Variants in BAIAP2L1 observed in about 807,000 individuals in gnomAD.
The protein encoded by BAIAP2L1 is BAR/IMD domain containing adaptor protein 2 like 1, also known as BAR/IMD domain-containing adapter protein 2-like 1.
A neutral mutation model predicts 66.3 loss-of-function variants in BAIAP2L1; 35 were observed. The observed-to-expected ratio is 0.53, with a 90% CI of 0.40 to 0.70. BAIAP2L1 has a LOEUF of 0.70. BAIAP2L1 is among the 30% of genes least tolerant of loss of function. The probability of loss-of-function intolerance (pLI) is 0.00; values close to 1 mark genes in which losing one functional copy is unlikely to be tolerated. For synonymous variants in BAIAP2L1, 269 were observed against 248.7 expected, an observed-to-expected ratio of 1.08 and a Z score of -0.77; for missense variants, 622 against 656.9, an observed-to-expected ratio of 0.95 and a Z score of 0.58.
intron 12 of BAIAP2L1, among the ~76,000 whole-genome samples, chr7:98,297,422 T>C (rs1800238804): frequency 6.6e-6 from 1 of 152,164 alleles, no homozygotes; most frequent in Non-Finnish European, 1.5e-5. Flanking sequence ...CAGAGAATGC[T>C]GGTGGCCCTC....
intron 1 of BAIAP2L1, among the ~76,000 whole-genome samples, chr7:98,375,219 C>T (rs926906969): frequency 6.6e-6 from 1 of 150,710 alleles, no homozygotes; most frequent in African/African-American, 2.4e-5. Flanking sequence ...ATAGTGAAAC[C>T]CCATCTCTAC....
chr7:98,342,851 C>G (rs1025837091), intron 3 of BAIAP2L1, among the ~76,000 whole-genome samples: 10 of 152,000 alleles, frequency 6.6e-5, no homozygotes, highest in Admixed American at 5.9e-4. Context: ...TAAAAATAAA[C>G]CTTGCTTGAT....
chr7:98,358,851 C>T (rs1427128486), intron 2 of BAIAP2L1, among the ~76,000 whole-genome samples: 2 of 152,146 alleles, frequency 1.3e-5, no homozygotes, highest in Admixed American at 6.5e-5. Context: ...TAATGGCCTT[C>T]CAGGAATCAC....
At chr7:98,347,949 G>T (rs1371324730) in intron 3 of BAIAP2L1, among the ~76,000 whole-genome samples, 1 of 151,972 alleles carries the variant, frequency 6.6e-6, no homozygotes, top group Non-Finnish European at 1.5e-5. Context: ...TGAGAACATG[G>T]ACATAGGGAG....
At chr7:98,293,740 G>T in intron 13 of BAIAP2L1, 144 bp from the exon 14 acceptor site, 1 of 768,594 alleles carries the variant, frequency 1.3e-6, no homozygotes, top group Non-Finnish European at 2.2e-6. Context: ...AGCGTTTTCT[G>T]AGTGTGAAAG....
intron 3 of BAIAP2L1, among the ~76,000 whole-genome samples, chr7:98,320,552 T>A (rs573627622): frequency 8.1e-4 from 123 of 152,302 alleles, no homozygotes; most frequent in African/African-American, 2.6e-3. Context: ...GCCAGGCTGG[T>A]CTTGAACTCC....
At chr7:98,330,613 C>T (rs896505179) in intron 3 of BAIAP2L1, among the ~76,000 whole-genome samples, 2 of 152,186 alleles carry the variant, frequency 1.3e-5, no homozygotes, top group Admixed American at 6.5e-5. Context: ...GCCGAGATCA[C>T]ACCATTGCAT....
At chr7:98,316,520 A>AT (rs1183034455) in intron 6 of BAIAP2L1, among the ~76,000 whole-genome samples, 3 of 152,184 alleles carry the variant, frequency 2.0e-5, no homozygotes, top group East Asian at 3.8e-4. Context: ...CAAAATGCTT[A>AT]TTTTTAAAAA....
At chr7:98,338,421 TA>T (rs35420774) in intron 3 of BAIAP2L1, among the ~76,000 whole-genome samples, 56,370 of 131,368 alleles carry the variant, frequency 0.43, 12,647 homozygotes, top group Middle Eastern at 0.62. Flanking sequence ...GACTCCGTCT[TA>T]AAAAAAAAAA....
In BAIAP2L1 at chr7:98,385,767, T is replaced by C. The variant is rs1213253113; in HGVS notation, c.51+15035A>G. On this transcript the variant is annotated intron_variant, in intron 1 of 13. Coordinates refer to ENST00000005260, the MANE Select transcript of BAIAP2L1 (RefSeq NM_018842.5). ...TTTTTTTTTCACAAATAGCACTCTTTATTTGCCACTATTTGAAGTCTGAAC... is the reference window on the plus strand; with the variant it reads ...TTTTTTTTTCACAAATAGCACTCTTCATTTGCCACTATTTGAAGTCTGAAC... 1.0e-5 allele frequency: 15 copies of C among 1,448,192 alleles called. No homozygotes were observed. In the East Asian group the frequency reaches 2.5e-4, roughly 24 times the overall value. The allele number at this position is 1,448,192 out of a possible 1,614,324, so 89.7% of individuals were successfully genotyped here.
intron 13 of BAIAP2L1, 96 bp from the exon 14 acceptor site, chr7:98,293,692 G>A (rs1015684116): frequency 3.2e-6 from 4 of 1,250,218 alleles, no homozygotes; most frequent in Non-Finnish European, 4.7e-6. Context: ...TGTGAGACTG[G>A]GCGGCTGACC....
At chr7:98,310,049 TC>T (rs2116870801) in intron 9 of BAIAP2L1, 1 of 164,186 alleles carries the variant, frequency 6.1e-6, no homozygotes, top group South Asian at 1.5e-4. Context: ...TGGGGTTTCA[TC>T]ATGTTGGCCA....
At chr7:98,357,545 G>A (rs1179041045) in intron 2 of BAIAP2L1, among the ~76,000 whole-genome samples, 3 of 120,888 alleles carry the variant, frequency 2.5e-5, no homozygotes, top group South Asian at 2.8e-4. Flanking sequence ...CCAGCCTGGC[G>A]ACAAAGTGAG....
At chr7:98,323,930 G>C (rs972010144) in intron 3 of BAIAP2L1, among the ~76,000 whole-genome samples, 5 of 152,198 alleles carry the variant, frequency 3.3e-5, no homozygotes, top group African/African-American at 1.2e-4. Context: ...AATAGAGCAA[G>C]TGTTACTTTA....
rs1444070814 is a variant in BAIAP2L1 at position 98,383,736 on chromosome 7, TC to T, written c.51+17065del. 1.1e-4 allele frequency among the ~76,000 whole-genome samples: 17 copies of T among 152,298 alleles called. No individual in the cohort carries two copies. The East Asian group carries it at 3.3e-3, about 29-fold the overall frequency. Reference sequence around the variant, plus strand: ...TGTACTTACGTTTCATTCCACCAACTCTGTAAAGTCTCACATTTCAGGCTTT... The same window carrying T: ...TGTACTTACGTTTCATTCCACCAACTTGTAAAGTCTCACATTTCAGGCTTT... On this transcript the variant is annotated intron_variant, in intron 1 of 13. Coordinates refer to ENST00000005260, the MANE Select transcript of BAIAP2L1 (RefSeq NM_018842.5).
At chr7:98,300,216 TG>T (rs1800363764) in intron 12 of BAIAP2L1, among the ~76,000 whole-genome samples, 1 of 151,766 alleles carries the variant, frequency 6.6e-6, no homozygotes. Flanking sequence ...TGATCCCTGC[TG>T]GTGAGGAGGC....
rs143180564 is a variant in BAIAP2L1 at position 98,381,956 on chromosome 7, C to T, written c.51+18846G>A. Among the ~76,000 whole-genome samples, 694 of 142,200 alleles carry T rather than the reference C, an allele frequency of 4.9e-3. 11 individuals carry two copies. The highest frequency in any genetic ancestry group is 0.017 in the African/African-American group (644 of 38,034). 93.3% of individuals were successfully genotyped at this position (142,200 alleles called of 152,430 possible). A position where few individuals can be genotyped will look rare whatever the true frequency, so the allele number is the denominator to read the frequency against. ...TTTTTTTTTTTTTGAGATGGAGTCT[C>T]GCTCTGTCACCCAGGTTGGAGTGCA... On this transcript the variant is annotated intron_variant, in intron 1 of 13. Coordinates refer to ENST00000005260, the MANE Select transcript of BAIAP2L1 (RefSeq NM_018842.5).
chr7:98,370,948 GT>G (rs1040286302), intron 1 of BAIAP2L1, among the ~76,000 whole-genome samples: 1 of 152,164 alleles, frequency 6.6e-6, no homozygotes, highest in African/African-American at 2.4e-5. Flanking sequence ...TTTTATAGTA[GT>G]TGTGGACACA....
chr7:98,355,004 A>T, intron 3 of BAIAP2L1, 38 bp downstream of exon 3: 1 of 1,484,782 alleles, frequency 6.7e-7, no homozygotes, highest in South Asian at 1.1e-5. Context: ...TCACAGGATG[A>T]CAAGTGGGGT....
Sources: gnomAD v4.1 joint callset for allele counts (sites outside exome capture counted in the v4.1 genomes callset) on GRCh38, gnomAD v4.1.1 for gene constraint, MANE v1.5 for transcripts, NCBI Gene and HGNC (gene_info 2026-07-23, HGNC 2026-07-21) for gene names.